The following GCNT2 variants were observed in gnomAD, a reference collection of about 807,000 sequenced individuals.
GCNT2 encodes the protein N-acetyllactosaminide beta-1,6-N-acetylglucosaminyl-transferase.
In GCNT2, 34 loss-of-function variants were observed where a neutral mutation model predicts 34.2. That is an observed-to-expected ratio of 1.00 (90% confidence interval 0.76 to 1.32). The LOEUF (loss-of-function observed/expected upper bound fraction) is 1.32. GCNT2 is among the 40% of genes most tolerant of loss of function. The pLI, the probability that GCNT2 is intolerant of heterozygous loss-of-function variation, is 0.00. For synonymous variants in GCNT2, 212 were observed against 188.0 expected (o/e 1.13, Z -1.04); for missense variants, 584 against 489.4 (o/e 1.19, Z -1.82).
chr6:10,545,737 C>G (rs1762238306), intron 3 of GCNT2, among the ~76,000 whole-genome samples: 1 of 152,110 alleles, frequency 6.6e-6, no homozygotes, highest in African/African-American at 2.4e-5. Flanking sequence ...GTGTCTTCAG[C>G]TTTGTGAATC....
Position 10,539,180 on chromosome 6 carries a change from C to CTCTTTTT in GCNT2, c.925+9345_925+9346insCTTTTTT, listed in dbSNP as rs1554127323. On this transcript the variant is annotated intron_variant, in intron 3 of 4. Transcript: ENST00000495262. ...AGCCTATCTCTACAGCTCACCGTCT[C>CTCTTTTT]TTTTTTTTTTTTTTTTTTTTTTTTT... Among the ~76,000 whole-genome samples, 25 of 65,328 alleles carry CTCTTTTT rather than the reference C, an allele frequency of 3.8e-4. 2 individuals are homozygous for CTCTTTTT. The East Asian group carries it at 0.011, about 28-fold the overall frequency. The allele number at this position is 65,328 out of a possible 152,430, so 42.9% of individuals were successfully genotyped here. A position where few individuals can be genotyped will look rare whatever the true frequency, so the allele number is the denominator to read the frequency against.
chr6:10,612,018 A>T (rs970865675), intron 3 of GCNT2, among the ~76,000 whole-genome samples: 2 of 151,074 alleles, frequency 1.3e-5, no homozygotes, highest in Non-Finnish European at 2.9e-5. Flanking sequence ...TCAGAGCCTC[A>T]CTCTGTTGCC....
chr6:10,563,777 A>AATATATATATATAT, intron 3 of GCNT2, among the ~76,000 whole-genome samples: 21 of 24,706 alleles, frequency 8.5e-4, no homozygotes, highest in East Asian at 1.8e-3. Context: ...AAAAAAAAAA[A>AATATATATATATAT]ATATATATAT....
chr6:10,555,731 T>C, intron 3 of GCNT2: 1 of 985,400 alleles, frequency 1.0e-6, no homozygotes, highest in Non-Finnish European at 1.2e-6. Flanking sequence ...GCTCTTGTTT[T>C]GAAAAACAGT....
chr6:10,571,053 C>T (rs537737154), intron 3 of GCNT2, among the ~76,000 whole-genome samples: 14 of 152,166 alleles, frequency 9.2e-5, no homozygotes, highest in Admixed American at 3.3e-4. Context: ...GAACCACAAG[C>T]GGCCTTAGAG....
chr6:10,582,770 G>C (rs35466223), intron 3 of GCNT2, among the ~76,000 whole-genome samples: 20,359 of 150,750 alleles, frequency 0.14, 1,499 homozygotes, highest in Middle Eastern at 0.19. Context: ...AGTTCATTAT[G>C]AGGGTCAGAA....
chr6:10,558,195 TC>T (rs1413093290), intron 3 of GCNT2, among the ~76,000 whole-genome samples: 1 of 152,232 alleles, frequency 6.6e-6, no homozygotes. Context: ...CTGCATTTGT[TC>T]CATGAAGCCA....
intron 3 of GCNT2, among the ~76,000 whole-genome samples, chr6:10,589,847 C>CA (rs1440517049): frequency 1.3e-5 from 2 of 152,090 alleles, no homozygotes; most frequent in Admixed American, 6.6e-5. Flanking sequence ...TTTTAGGTGC[C>CA]ATATTGTCTG....
chr6:10,594,513 T>C (rs7746899), intron 3 of GCNT2, among the ~76,000 whole-genome samples: 2,263 of 152,324 alleles, frequency 0.015, 46 homozygotes, highest in African/African-American at 0.051. Context: ...GATGACCTTG[T>C]GTACTCTGAC....
At chr6:10,563,044 A>G (rs1763078069) in intron 3 of GCNT2, among the ~76,000 whole-genome samples, 1 of 152,036 alleles carries the variant, frequency 6.6e-6, no homozygotes. Flanking sequence ...AATCCCAGCT[A>G]CTCCAGAGGC....
At chr6:10,527,963 T>G (rs1761282243) in intron 2 of GCNT2, among the ~76,000 whole-genome samples, 1 of 152,182 alleles carries the variant, frequency 6.6e-6, no homozygotes, top group East Asian at 1.9e-4. Context: ...CTTCTCTCCT[T>G]CCTCTAAGCA....
chr6:10,562,951 G>A (rs1392039967), intron 3 of GCNT2, among the ~76,000 whole-genome samples: 6 of 152,186 alleles, frequency 3.9e-5, no homozygotes, highest in Non-Finnish European at 8.8e-5. Flanking sequence ...CAGAAGTCGG[G>A]AGTTCGAGAT....
chr6:10,571,762 C>A (rs901331582), intron 3 of GCNT2, among the ~76,000 whole-genome samples: 3 of 152,136 alleles, frequency 2.0e-5, no homozygotes, highest in African/African-American at 7.2e-5. Context: ...TAAATGCGTT[C>A]TTTTGGGTTC....
rs200403005 is a variant in GCNT2, at chr6:10,588,773, AGTGTGTGTGTGAT to A, written c.926-32566_926-32554del. Reference sequence around the variant, plus strand: ...TGTGGTGTGTGTGTGGTGTGTTTGTAGTGTGTGTGTGATGTGTGTGTGTGTGTGTGTGTGTGGT... The same window carrying A: ...TGTGGTGTGTGTGTGGTGTGTTTGTAGTGTGTGTGTGTGTGTGTGTGTGGT... On this transcript the variant is annotated intron_variant, in intron 3 of 4. Coordinates refer to ENST00000495262, the MANE Select transcript of GCNT2 (RefSeq NM_145649.5). 2.9e-4 allele frequency among the ~76,000 whole-genome samples: 33 copies of A among 115,744 alleles called. No homozygotes were observed. The East Asian group carries it at 3.3e-3, about 12-fold the overall frequency. 75.9% of individuals were successfully genotyped at this position (115,744 alleles called of 152,430 possible). A position where few individuals can be genotyped will look rare whatever the true frequency, so the allele number is the denominator to read the frequency against.
In GCNT2 at chr6:10,528,823, T is replaced by G. The variant is rs953238086; in HGVS notation, c.-89T>G. The G allele has an allele frequency of 9.2e-7, 1 of 1,086,772 alleles. No individual in the cohort carries two copies. The highest frequency in any genetic ancestry group is 1.4e-6 in the Non-Finnish European group (1 of 706,616). 67.3% of individuals were successfully genotyped at this position (1,086,772 alleles called of 1,614,324 possible). ...GAGCTTCAGCCATCACGAGGATGAT[T>G]TCGGAACCTGGAGAAAATGTAAGTT... is the stretch of plus-strand genomic sequence containing the variant. On this transcript the variant is annotated 5_prime_UTR_variant, in exon 3 of 5. The change creates a new upstream start codon in the 5' untranslated region. Transcript: ENST00000495262.
At chr6:10,594,555 G>C (rs1271358364) in intron 3 of GCNT2, among the ~76,000 whole-genome samples, 3 of 152,144 alleles carry the variant, frequency 2.0e-5, no homozygotes, top group Non-Finnish European at 4.4e-5. Flanking sequence ...TCACAATAAT[G>C]ATGGCTACTT....
intron 3 of GCNT2, among the ~76,000 whole-genome samples, chr6:10,582,233 TA>T (rs1457088941): frequency 1.5e-4 from 19 of 124,956 alleles, no homozygotes; most frequent in African/African-American, 4.9e-4. Flanking sequence ...TATATATATT[TA>T]AATATATAAA....
chr6:10,573,562 G>T (rs1208114966), intron 3 of GCNT2, among the ~76,000 whole-genome samples: 1 of 152,202 alleles, frequency 6.6e-6, no homozygotes, highest in Admixed American at 6.5e-5. Context: ...CCACCACTTG[G>T]ATAGGCTTTC....
Position 10,626,506 on chromosome 6 carries a change from C to A in GCNT2, c.1108C>A (p.Leu370Ile). The change falls in exon 5 of 5, where the codon CTT becomes ATT. Residue 370 changes from leucine to isoleucine, a missense_variant. Coordinates refer to ENST00000495262, the MANE Select transcript of GCNT2 (RefSeq NM_145649.5). ...AAGCCTGTTTGCTAACAAGTTTGAGCTTAATACCTACCCCCTTACTGTGGA... is the reference window on the plus strand; with the variant it reads ...AAGCCTGTTTGCTAACAAGTTTGAGATTAATACCTACCCCCTTACTGTGGA... ...SPSLFANKFELNTYPLTVECL... is the reference protein window; with the variant it reads ...SPSLFANKFEINTYPLTVECL... 1 of 1,613,282 alleles carries A rather than the reference C, an allele frequency of 6.2e-7. No individual in the cohort carries two copies. Among genetic ancestry groups the A allele is most frequent in the Non-Finnish European group, 8.5e-7 (1 of 1,179,236 alleles).
Sources: gnomAD v4.1 joint callset for allele counts (sites outside exome capture counted in the v4.1 genomes callset) on GRCh38, gnomAD v4.1.1 for gene constraint, MANE v1.5 for transcripts, NCBI Gene and HGNC (gene_info 2026-07-23, HGNC 2026-07-21) for gene names.